ZBTB20: variants seen among roughly 807,000 people sequenced by gnomAD.
The protein encoded by ZBTB20 is zinc finger and BTB domain containing 20, also known as zinc finger and BTB domain-containing protein 20.
Under a neutral mutation model 56.9 loss-of-function variants are expected in ZBTB20, and 9 were observed. That is an observed-to-expected ratio of 0.16 (90% confidence interval 0.10 to 0.28). The LOEUF is 0.28. ZBTB20 is among the 10% of genes least tolerant of loss of function. The probability of loss-of-function intolerance (pLI) is 1.00; values close to 1 mark genes in which losing one functional copy is unlikely to be tolerated. For synonymous variants in ZBTB20, 417 were observed against 420.7 expected, an observed-to-expected ratio of 0.99 and a Z score of 0.11; for missense variants, 655 against 1,003.0, an observed-to-expected ratio of 0.65 and a Z score of 4.69.
intron 7 of ZBTB20, among the ~76,000 whole-genome samples, chr3:114,417,752 A>G (rs886605278): frequency 1.3e-5 from 2 of 152,060 alleles, no homozygotes; most frequent in African/African-American, 4.8e-5. Context: ...AATGTAAAGG[A>G]AAAAAGGACT....
Position 114,852,510 on chromosome 3 carries a change from C to T in ZBTB20, c.-417+47794G>A, listed in dbSNP as rs532767907. Among the ~76,000 whole-genome samples the T allele has an allele frequency of 5.9e-5, 9 of 152,182 alleles. No individual in the cohort carries two copies. The South Asian group carries it at 1.2e-3, about 21-fold the overall frequency. ...AACTCCCGACCTCAGCTGATCCACC[C>T]GCCGCAGCCTCCCAAACTGCTGAGA... On this transcript the variant is annotated intron_variant, in intron 4 of 11. Transcript: ENST00000675478.
At chr3:114,981,816 T>C (rs958799122) in intron 2 of ZBTB20, among the ~76,000 whole-genome samples, 1 of 152,068 alleles carries the variant, frequency 6.6e-6, no homozygotes, top group Non-Finnish European at 1.5e-5. Flanking sequence ...ACAGACCATG[T>C]TCCATTTCCA....
Position 114,776,973 on chromosome 3 carries a change from A to T in ZBTB20, c.-343+24128T>A, listed in dbSNP as rs527519738. Among the ~76,000 whole-genome samples the T allele has an allele frequency of 6.6e-5, 10 of 152,294 alleles. No individual in the cohort carries two copies. The South Asian group carries it at 1.9e-3, about 28-fold the overall frequency. On this transcript the variant is annotated intron_variant, in intron 5 of 11. Transcript: ENST00000675478. ...TCTATAGTATTTTCCATTTAAGTTA[A>T]TGCTTACACACATAATGTATTACCA...
intron 7 of ZBTB20, among the ~76,000 whole-genome samples, chr3:114,416,567 T>C (rs892608905): frequency 6.6e-5 from 10 of 151,954 alleles, no homozygotes; most frequent in African/African-American, 2.2e-4. Flanking sequence ...AATCGCAGAG[T>C]GCTGACAGAG....
In ZBTB20 at chr3:114,404,108, G is replaced by T. The variant is rs528236334; in HGVS notation, c.-254-15003C>A. ...GTGAGTATTAGGTTTCTGGACTCAA[G>T]AAGTCAAATAGTAAATACTGAAGCT... On this transcript the variant is annotated intron_variant, in intron 7 of 11. Transcript: ENST00000675478. 9.2e-4 allele frequency among the ~76,000 whole-genome samples: 140 copies of T among 152,286 alleles called. 4 individuals are homozygous for T. The highest frequency in any genetic ancestry group is 7.1e-3 in the Admixed American group (108 of 15,294).
chr3:114,840,224 ATATGT>A (rs140130735), intron 4 of ZBTB20, among the ~76,000 whole-genome samples: 31,141 of 151,962 alleles, frequency 0.2, 3,330 homozygotes, highest in Middle Eastern at 0.26. Context: ...TCGCTGTGTG[ATATGT>A]TATTTCTGCT....
In ZBTB20 at chr3:114,859,537, T is replaced by A. The variant is rs113020196; in HGVS notation, c.-417+40767A>T. Reference sequence around the variant, plus strand: ...CACATGCTTTTACTATTCATCATGCTAACTTAGGGGGAAATTTAGATAACT... The same window carrying A: ...CACATGCTTTTACTATTCATCATGCAAACTTAGGGGGAAATTTAGATAACT... On this transcript the variant is annotated intron_variant, in intron 4 of 11. Transcript: ENST00000675478. 4.1e-3 allele frequency among the ~76,000 whole-genome samples: 626 copies of A among 151,050 alleles called. 4 individuals carry two copies. The highest frequency in any genetic ancestry group is 0.015 in the African/African-American group (600 of 41,196).
At chr3:114,394,821 C>T (rs1325436745) in intron 7 of ZBTB20, among the ~76,000 whole-genome samples, 1 of 152,166 alleles carries the variant, frequency 6.6e-6, no homozygotes, top group Non-Finnish European at 1.5e-5. Flanking sequence ...TTTGTCAGGT[C>T]ATCAGGCATT....
intron 5 of ZBTB20, among the ~76,000 whole-genome samples, chr3:114,789,939 G>A (rs1028311942): frequency 5.3e-5 from 8 of 152,012 alleles, no homozygotes; most frequent in African/African-American, 1.2e-4. Context: ...GAAACATGAT[G>A]TAATTTATCA....
At position 114,433,544 on chromosome 3, in the gene ZBTB20, T is replaced by C. The variant is rs115991389; in HGVS notation, c.-254-44439A>G. Among the ~76,000 whole-genome samples, 750 of 152,308 alleles carry C rather than the reference T, an allele frequency of 4.9e-3. 4 individuals are homozygous for C. Among genetic ancestry groups the C allele is most frequent in the African/African-American group, 0.017 (689 of 41,576 alleles). ...ATTTATGGATTCAGAAAAGGTAATT[T>C]CTTTCCAAACACTCACATGCCATTG... On this transcript the variant is annotated intron_variant, in intron 7 of 11. Coordinates refer to ENST00000675478, the MANE Select transcript of ZBTB20 (RefSeq NM_001348800.3).
At chr3:114,858,772 G>C (rs1488221381) in intron 4 of ZBTB20, among the ~76,000 whole-genome samples, 1 of 152,052 alleles carries the variant, frequency 6.6e-6, no homozygotes, top group Non-Finnish European at 1.5e-5. Context: ...TCTTTGTCAT[G>C]AATATTTTTA....
At chr3:114,679,993 G>A (rs2061874339) in intron 6 of ZBTB20, among the ~76,000 whole-genome samples, 1 of 152,140 alleles carries the variant, frequency 6.6e-6, no homozygotes, top group Admixed American at 6.6e-5. Flanking sequence ...CAGGGACATG[G>A]ATGAAGCTGG....
At chr3:114,352,763 T>C (rs2108224439) in intron 10 of ZBTB20, among the ~76,000 whole-genome samples, 1 of 152,346 alleles carries the variant, frequency 6.6e-6, no homozygotes, top group East Asian at 1.9e-4. Context: ...ATCATATTTA[T>C]TATGCAAACA....
At chr3:114,554,829 C>A (rs1165827520) in intron 6 of ZBTB20, among the ~76,000 whole-genome samples, 1 of 152,136 alleles carries the variant, frequency 6.6e-6, no homozygotes, top group African/African-American at 2.4e-5. Context: ...AAGAACCTTA[C>A]CAAAGGACAT....
At chr3:114,576,685 G>A (rs1380758461) in intron 6 of ZBTB20, among the ~76,000 whole-genome samples, 1 of 151,610 alleles carries the variant, frequency 6.6e-6, no homozygotes, top group Non-Finnish European at 1.5e-5. Flanking sequence ...AGGCTTGAAT[G>A]TTTTTCAGAA....
Position 114,566,590 on chromosome 3 carries a change from C to T in ZBTB20, c.-294-66199G>A, listed in dbSNP as rs572588919. On this transcript the variant is annotated intron_variant, in intron 6 of 11. Transcript: ENST00000675478. ...TGCAGCACAAGTTGAAAGCTATTTC[C>T]AATTCTGCTTTTATTAGTCACCTCC... 1.1e-4 allele frequency among the ~76,000 whole-genome samples: 17 copies of T among 152,222 alleles called. No individual in the cohort carries two copies. The East Asian group carries it at 1.9e-3, about 17-fold the overall frequency.
chr3:115,072,710 C>T (rs990942862), intron 1 of ZBTB20, among the ~76,000 whole-genome samples: 1 of 152,148 alleles, frequency 6.6e-6, no homozygotes, highest in Non-Finnish European at 1.5e-5. Flanking sequence ...AACACTGGCT[C>T]TCCCTCTCTG....
chr3:115,077,626 T>C (rs2082642604), intron 1 of ZBTB20, among the ~76,000 whole-genome samples: 1 of 152,358 alleles, frequency 6.6e-6, no homozygotes, highest in Admixed American at 6.5e-5. Context: ...CCAAGAGATA[T>C]ATTTAAAAAT....
intron 6 of ZBTB20, among the ~76,000 whole-genome samples, chr3:114,515,060 G>C (rs984720704): frequency 3.9e-5 from 6 of 152,126 alleles, no homozygotes; most frequent in Non-Finnish European, 7.4e-5. Flanking sequence ...TGACCACCAG[G>C]CTATGTTCTT....
Sources: gnomAD v4.1 joint callset for allele counts (sites outside exome capture counted in the v4.1 genomes callset) on GRCh38, gnomAD v4.1.1 for gene constraint, MANE v1.5 for transcripts, NCBI Gene and HGNC (gene_info 2026-07-23, HGNC 2026-07-21) for gene names.